Variants in TTLL9 observed in about 807,000 individuals in gnomAD.
The protein encoded by TTLL9 is probable tubulin polyglutamylase TTLL9.
In TTLL9, 47 loss-of-function variants were observed where a neutral mutation model predicts 65.6. The observed-to-expected ratio is 0.72, with a 90% confidence interval of 0.57 to 0.91. The LOEUF (loss-of-function observed/expected upper bound fraction) is 0.91. TTLL9 is among the 40% of genes least tolerant of loss of function. TTLL9 has a pLI of 0.00. For missense variants in TTLL9, 537 were observed against 568.8 expected, an observed-to-expected ratio of 0.94 and a Z score of 0.57; for synonymous variants, 179 against 204.8, an observed-to-expected ratio of 0.87 and a Z score of 1.07.
intron 6 of TTLL9, among the ~76,000 whole-genome samples, chr20:31,912,597 ATGTGTATGTGTGTGTGTGTGTG>A (rs1353365699): frequency 1.9e-5 from 2 of 102,586 alleles, no homozygotes; most frequent in African/African-American, 8.6e-5. Flanking sequence ...GTGTGCGTGT[ATGTGTATGTGTGTGTGTGTGTG>A]TGTGTGTGTG....
At chr20:31,883,465 G>A (rs2063146486) in intron 2 of TTLL9, among the ~76,000 whole-genome samples, 1 of 152,062 alleles carries the variant, frequency 6.6e-6, no homozygotes, top group African/African-American at 2.4e-5. Context: ...CAAAGTGCTG[G>A]GATTACAGGC....
At position 31,943,303 on chromosome 20, in the gene TTLL9, A is replaced by C; in HGVS notation, c.*282A>C. On this transcript the variant is annotated 3_prime_UTR_variant, in exon 15 of 15. Transcript: ENST00000535842. ...GCAGTTAGGCCCAAAGAGAACAAAT[A>C]CAGCAAGTTCTGCTACCCCCAGGAG... 1 of 493,608 alleles carries C rather than the reference A, an allele frequency of 2.0e-6. No homozygotes were observed. The highest frequency in any genetic ancestry group is 3.7e-6 in the Non-Finnish European group (1 of 269,296). The allele number at this position is 493,608 out of a possible 1,614,324, so 30.6% of individuals were successfully genotyped here. A position where few individuals can be genotyped will look rare whatever the true frequency, so the allele number is the denominator to read the frequency against.
At chr20:31,900,059 C>T (rs62206294) in intron 4 of TTLL9, among the ~76,000 whole-genome samples, 15,592 of 152,112 alleles carry the variant, frequency 0.1, 832 homozygotes, top group Middle Eastern at 0.23. Context: ...TGTGCCTGGC[C>T]GAATCTGGAA....
At chr20:31,875,938 A>C (rs2063032769) in intron 2 of TTLL9, among the ~76,000 whole-genome samples, 1 of 152,206 alleles carries the variant, frequency 6.6e-6, no homozygotes, top group African/African-American at 2.4e-5. Flanking sequence ...GCTATGGTGC[A>C]TATCTTTTGA....
At chr20:31,890,185 C>CTTTCTTTCTTTCTTTCTTTCTT in intron 3 of TTLL9, among the ~76,000 whole-genome samples, 1 of 125,160 alleles carries the variant, frequency 8.0e-6, no homozygotes, top group African/African-American at 3.1e-5. Context: ...TTCTTTCTTT[C>CTTTCTTTCTTTCTTTCTTTCTT]TTTCTTTCTT....
At chr20:31,920,939 A>C (rs1301876623) in intron 7 of TTLL9, among the ~76,000 whole-genome samples, 1 of 152,206 alleles carries the variant, frequency 6.6e-6, no homozygotes, top group Non-Finnish European at 1.5e-5. Context: ...GCAACCTGCG[A>C]GGTGCTGTGC....
chr20:31,886,986 TG>T (rs1163272619), intron 2 of TTLL9, among the ~76,000 whole-genome samples: 2 of 152,314 alleles, frequency 1.3e-5, no homozygotes, highest in East Asian at 3.9e-4. Flanking sequence ...CTTGGATACT[TG>T]GGAGTTCATT....
At chr20:31,930,589 A>G (rs2063992322) in intron 10 of TTLL9, among the ~76,000 whole-genome samples, 1 of 152,134 alleles carries the variant, frequency 6.6e-6, no homozygotes, top group Non-Finnish European at 1.5e-5. Flanking sequence ...GAAACAGACT[A>G]TTGCATTTGC....
chr20:31,920,878 T>G (rs1419308840), intron 7 of TTLL9, among the ~76,000 whole-genome samples: 3 of 152,180 alleles, frequency 2.0e-5, no homozygotes, highest in Admixed American at 6.5e-5. Context: ...CCCCATCAAG[T>G]GTGTGACCCT....
intron 2 of TTLL9, among the ~76,000 whole-genome samples, chr20:31,873,637 G>A (rs879467136): frequency 2.0e-5 from 3 of 147,150 alleles, no homozygotes; most frequent in Non-Finnish European, 3.0e-5. Context: ...ATGACAGAGT[G>A]AGACCCTGTC....
intron 14 of TTLL9, among the ~76,000 whole-genome samples, chr20:31,942,251 G>A (rs143167223): frequency 4.7e-4 from 72 of 152,306 alleles, no homozygotes; most frequent in African/African-American, 1.6e-3. Flanking sequence ...GAGGTTAAAT[G>A]ACCATAGTTA....
chr20:31,921,596 G>A (rs1361420693), intron 7 of TTLL9, among the ~76,000 whole-genome samples: 1 of 152,188 alleles, frequency 6.6e-6, no homozygotes, highest in Non-Finnish European at 1.5e-5. Context: ...ATAATAGACT[G>A]GATTAAGAAA....
At chr20:31,883,546 T>C (rs1030597322) in intron 2 of TTLL9, among the ~76,000 whole-genome samples, 3 of 152,130 alleles carry the variant, frequency 2.0e-5, no homozygotes, top group African/African-American at 7.2e-5. Flanking sequence ...AAATGCTTAA[T>C]AAAATGTTAC....
chr20:31,881,059 T>G (rs2063112119), intron 2 of TTLL9, among the ~76,000 whole-genome samples: 1 of 151,886 alleles, frequency 6.6e-6, no homozygotes. Context: ...CTATGTTATG[T>G]TGCTATGTTG....
At chr20:31,937,962 A>C (rs1361977679) in intron 13 of TTLL9, among the ~76,000 whole-genome samples, 3 of 151,300 alleles carry the variant, frequency 2.0e-5, no homozygotes, top group Non-Finnish European at 2.9e-5. Context: ...AAAAAAAAAA[A>C]CCCAGAGCTA....
At chr20:31,888,636 T>C (rs947430513) in intron 3 of TTLL9, among the ~76,000 whole-genome samples, 5 of 152,142 alleles carry the variant, frequency 3.3e-5, no homozygotes, top group Non-Finnish European at 7.3e-5. Context: ...CACGCCTGGC[T>C]AATTGAGACT....
intron 4 of TTLL9, 144 bp downstream of exon 4, chr20:31,898,709 C>A: frequency 1.6e-6 from 1 of 643,620 alleles, no homozygotes. Context: ...CCACAATGTG[C>A]CAGGCACATT....
In TTLL9 at chr20:31,944,846, T is replaced by C. The variant is rs766508039; in HGVS notation, c.*1825T>C. ...GCTGCCATTTGTTATCACCCGCCTG[T>C]CAAATCACAGGTTTATTTCAAGGCA... On this transcript the variant is annotated 3_prime_UTR_variant, in exon 15 of 15. Transcript: ENST00000535842. The C allele has an allele frequency of 2.6e-5, 4 of 152,168 alleles. No individual in the cohort carries two copies. The highest frequency in any genetic ancestry group is 5.9e-5 in the Non-Finnish European group (4 of 68,058). 9.4% of individuals were successfully genotyped at this position (152,168 alleles called of 1,614,324 possible).
intron 2 of TTLL9, among the ~76,000 whole-genome samples, chr20:31,873,821 G>GAAGAAAGAAAGAAAGAAA (rs2062992322): frequency 1.2e-4 from 12 of 96,072 alleles, no homozygotes; most frequent in African/African-American, 4.8e-4. Flanking sequence ...AGGAAGGAAG[G>GAAGAAAGAAAGAAAGAAA]AAGAAAGAAA....
Sources: gnomAD v4.1 joint callset for allele counts (sites outside exome capture counted in the v4.1 genomes callset) on GRCh38, gnomAD v4.1.1 for gene constraint, MANE v1.5 for transcripts, NCBI Gene and HGNC (gene_info 2026-07-23, HGNC 2026-07-21) for gene names.